Variants in TFEB observed in about 807,000 individuals in gnomAD.
The protein encoded by TFEB is T-cell transcription factor EB.
TFEB carries 12 observed loss-of-function variants against 48.0 expected under a neutral mutation model. That is an observed-to-expected ratio of 0.25 (90% confidence interval 0.16 to 0.40). The LOEUF (loss-of-function observed/expected upper bound fraction) is 0.40, where lower values mean the gene tolerates loss of function less well. Ranked by LOEUF, TFEB falls within the 10% of genes least tolerant of loss-of-function variation. TFEB has a pLI of 1.00. For synonymous variants in TFEB, 244 were observed against 261.4 expected, an observed-to-expected ratio of 0.93 and a Z score of 0.64; for missense variants, 509 against 640.3, an observed-to-expected ratio of 0.79 and a Z score of 2.21.
rs955314849 is a variant in TFEB, at chr6:41,730,181, G to A, written c.-23+5169C>T. Among the ~76,000 whole-genome samples the A allele has an allele frequency of 6.6e-6, 1 of 152,152 alleles. No individual in the cohort carries two copies. Among genetic ancestry groups the A allele is most frequent in the Admixed American group, 6.5e-5 (1 of 15,278 alleles). On this transcript the variant is annotated intron_variant, in intron 1 of 8. Transcript: ENST00000373033. The surrounding 1 kb of genome is among the most constrained non-coding windows in gnomAD (Gnocchi z 4.1). ...CCTCCCCAAGAGATTCAGATGCAAT[G>A]GTGTTGTCTAAGAGTTCCGCAGGTG...
At chr6:41,712,844 C>G (rs1770544215) in intron 1 of TFEB, among the ~76,000 whole-genome samples, 1 of 152,190 alleles carries the variant, frequency 6.6e-6, no homozygotes, top group Non-Finnish European at 1.5e-5. Context: ...CTCCCCACCC[C>G]CTCCCAGGCA....
intron 1 of TFEB, among the ~76,000 whole-genome samples, chr6:41,713,808 C>T (rs541698595): frequency 2.0e-5 from 3 of 152,304 alleles, no homozygotes; most frequent in South Asian, 2.1e-4. Context: ...CCCTCCCTCA[C>T]GCCCAGTCAT....
intron 1 of TFEB, among the ~76,000 whole-genome samples, chr6:41,711,054 T>A (rs1054914745): frequency 6.6e-6 from 1 of 152,224 alleles, no homozygotes; most frequent in Non-Finnish European, 1.5e-5. Context: ...TCTACCACTA[T>A]GGATAATACT....
intron 1 of TFEB, among the ~76,000 whole-genome samples, chr6:41,692,802 G>A (rs1769382526): frequency 6.6e-6 from 1 of 152,252 alleles, no homozygotes; most frequent in Non-Finnish European, 1.5e-5. Context: ...GAAGGTCCTG[G>A]TAGGGGCTGG....
intron 1 of TFEB, among the ~76,000 whole-genome samples, chr6:41,698,153 G>A (rs148737716): frequency 3.5e-4 from 54 of 152,268 alleles, no homozygotes; most frequent in Admixed American, 2.4e-3. Context: ...TGAGTGACGT[G>A]GGTACCATTA....
At position 41,691,276 on chromosome 6, in the gene TFEB, C is replaced by G. The variant is rs1342697429; in HGVS notation, c.-22-41G>C. ...GGCAGCAGGTATATGAGGCACGTGT[C>G]CTCCTCAAAGCACAGGGGCTGGCAG... On this transcript the variant is annotated intron_variant, in intron 1 of 8. Transcript: ENST00000373033. This position sits in a 1 kb window ranked among gnomAD's most constrained non-coding sequence, Gnocchi z 5.2. 6.5e-7 allele frequency: 1 copy of G among 1,544,492 alleles called. No homozygotes were observed. Among genetic ancestry groups the G allele is most frequent in the Non-Finnish European group, 8.8e-7 (1 of 1,140,890 alleles).
intron 1 of TFEB, among the ~76,000 whole-genome samples, chr6:41,699,871 A>G (rs1296599362): frequency 6.6e-6 from 1 of 152,216 alleles, no homozygotes; most frequent in East Asian, 1.9e-4. Context: ...CTTTTAGTGA[A>G]GTGTAACTTA....
intron 1 of TFEB, among the ~76,000 whole-genome samples, chr6:41,703,252 G>A (rs912372938): frequency 2.0e-5 from 3 of 152,222 alleles, no homozygotes; most frequent in Admixed American, 6.5e-5. Context: ...GGCACACAGC[G>A]GGCATGCAGA....
chr6:41,687,283 T>C, intron 6 of TFEB, 114 bp from the exon 7 acceptor site: 1 of 913,072 alleles, frequency 1.1e-6, no homozygotes, highest in South Asian at 1.4e-5. Flanking sequence ...AGCTTAGATT[T>C]AGTTCTTCCA....
At chr6:41,712,863 C>G (rs1008646878) in intron 1 of TFEB, among the ~76,000 whole-genome samples, 6 of 152,184 alleles carry the variant, frequency 3.9e-5, no homozygotes, top group Non-Finnish European at 7.4e-5. Flanking sequence ...CAGCACAGCT[C>G]TTTCCAGGGG....
At chr6:41,725,311 G>A (rs1044916689) in intron 1 of TFEB, among the ~76,000 whole-genome samples, 7 of 152,118 alleles carry the variant, frequency 4.6e-5, no homozygotes, top group African/African-American at 1.7e-4. Context: ...CCCCTAGGGG[G>A]ACAAAATCAC....
chr6:41,707,434 G>A (rs1050185576), intron 1 of TFEB, among the ~76,000 whole-genome samples: 4 of 152,200 alleles, frequency 2.6e-5, no homozygotes, highest in Admixed American at 2.0e-4. Context: ...GTGGCTGGAG[G>A]AAGAAGTCAG....
intron 4 of TFEB, 72 bp downstream of exon 4, chr6:41,689,659 A>T: frequency 8.1e-7 from 1 of 1,234,746 alleles, no homozygotes; most frequent in African/African-American, 1.5e-5. Context: ...CACTCTCTCC[A>T]GGCTCAGAGC....
chr6:41,711,947 T>C (rs1177403755), intron 1 of TFEB, among the ~76,000 whole-genome samples: 2 of 152,234 alleles, frequency 1.3e-5, no homozygotes, highest in African/African-American at 4.8e-5. Context: ...CAACTTAGAA[T>C]AGAACCATCA....
intron 1 of TFEB, among the ~76,000 whole-genome samples, chr6:41,704,541 G>A (rs1581904922): frequency 6.6e-6 from 1 of 152,372 alleles, no homozygotes; most frequent in South Asian, 2.1e-4. Context: ...TTAGATGGGA[G>A]AGGGCCTCTT....
At chr6:41,713,482 C>G (rs138488754) in intron 1 of TFEB, among the ~76,000 whole-genome samples, 1 of 152,194 alleles carries the variant, frequency 6.6e-6, no homozygotes, top group Non-Finnish European at 1.5e-5. Context: ...CCGGTCCCTA[C>G]GCTGACTCAC....
chr6:41,703,882 CAGAG>C (rs1387776140), intron 1 of TFEB, among the ~76,000 whole-genome samples: 1 of 152,174 alleles, frequency 6.6e-6, no homozygotes, highest in Non-Finnish European at 1.5e-5. Context: ...AACTGAGTCA[CAGAG>C]AGGCTGAAAA....
At chr6:41,694,641 C>T (rs1769484386) in intron 1 of TFEB, among the ~76,000 whole-genome samples, 4 of 152,056 alleles carry the variant, frequency 2.6e-5, no homozygotes, top group Admixed American at 2.6e-4. Context: ...CCTGAGGGTC[C>T]ACTCTCAGCC....
chr6:41,709,023 G>T (rs1015002241), intron 1 of TFEB, among the ~76,000 whole-genome samples: 2 of 152,216 alleles, frequency 1.3e-5, no homozygotes, highest in Non-Finnish European at 2.9e-5. Flanking sequence ...GGTAGTGATG[G>T]CAACATTAGG....
Sources: allele counts gnomAD v4.1 joint callset (sites outside exome capture counted in the v4.1 genomes callset), GRCh38; gene constraint gnomAD v4.1.1; non-coding constraint Gnocchi (gnomAD v3.1); transcripts MANE v1.5; gene names NCBI Gene and HGNC (gene_info 2026-07-23, HGNC 2026-07-21).